The following PARD6G variants were observed in gnomAD, a reference collection of about 807,000 sequenced individuals.
PARD6G encodes par-6 family cell polarity regulator gamma.
A neutral mutation model predicts 10.7 loss-of-function variants in PARD6G; 7 were observed. The observed-to-expected ratio is 0.66, with a 90% CI of 0.37 to 1.23. PARD6G has a LOEUF of 1.23. Ranked by LOEUF, PARD6G falls within the 50% of genes most tolerant of loss-of-function variation. PARD6G has a pLI of 0.02. For synonymous variants in PARD6G, 287 were observed against 269.4 expected, an observed-to-expected ratio of 1.07 and a Z score of -0.64; for missense variants, 548 against 571.8, an observed-to-expected ratio of 0.96 and a Z score of 0.42.
chr18:80,207,583 A>T (rs1196949333), intron 1 of PARD6G, among the ~76,000 whole-genome samples: 1 of 152,236 alleles, frequency 6.6e-6, no homozygotes, highest in Non-Finnish European at 1.5e-5. Context: ...TTACTATAAC[A>T]ATCTATTTCA....
intron 2 of PARD6G, among the ~76,000 whole-genome samples, chr18:80,168,377 G>A (rs559219684): frequency 1.3e-5 from 2 of 152,208 alleles, no homozygotes; most frequent in Admixed American, 1.3e-4. Context: ...TTGTTTTAAA[G>A]AATACCCCAT....
intron 2 of PARD6G, among the ~76,000 whole-genome samples, chr18:80,172,901 T>A (rs2052786495): frequency 6.6e-6 from 1 of 152,230 alleles, no homozygotes; most frequent in Non-Finnish European, 1.5e-5. Flanking sequence ...TAAGAAATCA[T>A]TGCCTAATGC....
intron 1 of PARD6G, among the ~76,000 whole-genome samples, chr18:80,229,792 G>A (rs1967337732): frequency 6.6e-6 from 1 of 152,238 alleles, no homozygotes; most frequent in Non-Finnish European, 1.5e-5. Context: ...ATAACTGGGT[G>A]AAGCGTGAGG....
At chr18:80,208,458 G>A (rs142111192) in intron 1 of PARD6G, among the ~76,000 whole-genome samples, 12 of 152,116 alleles carry the variant, frequency 7.9e-5, no homozygotes, top group African/African-American at 1.9e-4. Context: ...GTGTTTGTTC[G>A]TATAGCAGGA....
In PARD6G at chr18:80,160,283, T is replaced by G; in HGVS notation, c.619A>C (p.Thr207Pro). Residue 207 changes from threonine (T) to proline (P), a missense_variant, in exon 3 of 3, where the codon ACC (threonine) becomes CCC (proline). By Grantham distance (38) the Thr-to-Pro change is conservative. Transcript: ENST00000353265. ...RMVPGGLAES[T>P]GLLAVNDEVL... ...TCGTCATTCACAGCCAGCAGCCCGG[T>G]GCTCTCCGCCAGGCCCCCGGGTACC... 6.2e-7 allele frequency: 1 copy of G among 1,611,994 alleles called. No homozygotes were observed. The highest frequency in any genetic ancestry group is 1.1e-5 in the South Asian group (1 of 91,046).
At chr18:80,170,825 A>G (rs761460163) in intron 2 of PARD6G, 2 of 152,232 alleles carry the variant, frequency 1.3e-5, no homozygotes, top group Non-Finnish European at 2.9e-5. Context: ...TTCTGGACTC[A>G]GTGGACTCAA....
At chr18:80,210,585 G>C (rs991361595) in intron 1 of PARD6G, among the ~76,000 whole-genome samples, 1 of 152,030 alleles carries the variant, frequency 6.6e-6, no homozygotes, top group African/African-American at 2.4e-5. Flanking sequence ...TTGTCCCCAG[G>C]GCATTTGCTG....
At chr18:80,240,457 C>A (rs1122753) in intron 1 of PARD6G, among the ~76,000 whole-genome samples, 28,077 of 152,040 alleles carry the variant, frequency 0.18, 3,441 homozygotes, top group African/African-American at 0.35. Flanking sequence ...TGATTGTGTC[C>A]CTAATATAAA....
chr18:80,243,869 A>G (rs917145609), intron 1 of PARD6G, among the ~76,000 whole-genome samples: 1 of 152,140 alleles, frequency 6.6e-6, no homozygotes, highest in African/African-American at 2.4e-5. Flanking sequence ...CGAGGGCATG[A>G]GCAGCGGGCC....
At chr18:80,217,054 G>A (rs1054484073) in intron 1 of PARD6G, among the ~76,000 whole-genome samples, 9 of 152,116 alleles carry the variant, frequency 5.9e-5, no homozygotes, top group Non-Finnish European at 1.0e-4. Context: ...AAATATACAT[G>A]ATGTGCCTTG....
rs3028716 is a variant in PARD6G at position 80,177,972 on chromosome 18, TACAC to T, written c.296-17370_296-17367del. On this transcript the variant is annotated intron_variant, in intron 2 of 2. Coordinates refer to ENST00000353265, the MANE Select transcript of PARD6G (RefSeq NM_032510.4). ...ACAGTCCAAATGGGAAGCGTGTGCA[TACAC>T]ACACACACACACACACACACACACA... 2.3e-3 allele frequency: 344 copies of T among 152,334 alleles called. 2 individuals carry two copies. The highest frequency in any genetic ancestry group is 3.4e-3 in the Middle Eastern group (1 of 290). The allele number at this position is 152,334 out of a possible 1,614,324, so 9.4% of individuals were successfully genotyped here.
chr18:80,175,932 G>A lies in PARD6G; in HGVS notation c.296-15326C>T, dbSNP rs1224014977. The A allele has an allele frequency of 6.0e-6, 1 of 167,232 alleles. No homozygotes were observed. Among genetic ancestry groups the A allele is most frequent in the Non-Finnish European group, 1.5e-5 (1 of 68,164 alleles). 10.4% of individuals were successfully genotyped at this position (167,232 alleles called of 1,614,324 possible). ...AATGTCCACCAGCTCCAGTCACATT[G>A]GAGGTGAGTGCCTGCTGGGATGTCA... is the stretch of plus-strand genomic sequence containing the variant. On this transcript the variant is annotated intron_variant, in intron 2 of 2. Coordinates refer to ENST00000353265, the MANE Select transcript of PARD6G (RefSeq NM_032510.4). This position sits in a 1 kb window ranked among gnomAD's most constrained non-coding sequence, Gnocchi z 6.7.
intron 1 of PARD6G, among the ~76,000 whole-genome samples, chr18:80,234,523 G>A (rs1599876927): frequency 6.6e-6 from 1 of 152,264 alleles, no homozygotes; most frequent in Non-Finnish European, 1.5e-5. Context: ...CACAGTCTCT[G>A]TGTACACCAG....
At chr18:80,177,025 G>GCGCA (rs1555734766) in intron 2 of PARD6G, among the ~76,000 whole-genome samples, 5 of 137,250 alleles carry the variant, frequency 3.6e-5, no homozygotes, top group East Asian at 2.2e-4. Context: ...GCGCGCGCGT[G>GCGCA]CACACACACA....
chr18:80,196,269 TCCAACTAACCA>T (rs996588155), intron 2 of PARD6G, among the ~76,000 whole-genome samples: 14 of 152,178 alleles, frequency 9.2e-5, no homozygotes, highest in Admixed American at 5.2e-4. Flanking sequence ...TAAAACTACG[TCCAACTAACCA>T]CGTCTACAGT....
intron 1 of PARD6G, among the ~76,000 whole-genome samples, chr18:80,214,589 G>T (rs927463367): frequency 9.9e-5 from 15 of 152,138 alleles, no homozygotes; most frequent in African/African-American, 3.6e-4. Flanking sequence ...AAATTCAGTA[G>T]AGGCACTCAA....
At chr18:80,240,688 T>C (rs977730444) in intron 1 of PARD6G, among the ~76,000 whole-genome samples, 3 of 152,228 alleles carry the variant, frequency 2.0e-5, no homozygotes, top group South Asian at 2.1e-4. Context: ...CTGTTGCCGA[T>C]GCAGAGACTA....
intron 1 of PARD6G, among the ~76,000 whole-genome samples, chr18:80,243,860 G>C (rs1345001840): frequency 6.6e-6 from 1 of 152,142 alleles, no homozygotes; most frequent in Non-Finnish European, 1.5e-5. Flanking sequence ...AGCGTGGGCC[G>C]AGGGCATGAG....
chr18:80,166,009 C>T (rs927124828), intron 2 of PARD6G, among the ~76,000 whole-genome samples: 4 of 151,962 alleles, frequency 2.6e-5, no homozygotes, highest in South Asian at 2.1e-4. Flanking sequence ...TTCCAGACAG[C>T]GGAGGCTGCA....
Sources: allele counts gnomAD v4.1 joint callset (sites outside exome capture counted in the v4.1 genomes callset), GRCh38; gene constraint gnomAD v4.1.1; non-coding constraint Gnocchi (gnomAD v3.1); transcripts MANE v1.5; gene names NCBI Gene and HGNC (gene_info 2026-07-23, HGNC 2026-07-21).